MYT1L: variants seen among roughly 807,000 people sequenced by gnomAD.
The protein encoded by MYT1L is myelin transcription factor 1 like.
MYT1L carries 12 observed loss-of-function variants against 126.7 expected under a neutral mutation model. The observed-to-expected ratio is 0.09, with a 90% CI of 0.06 to 0.15. The LOEUF (loss-of-function observed/expected upper bound fraction) is 0.15. Ranked by LOEUF, MYT1L falls within the 10% of genes least tolerant of loss-of-function variation. MYT1L has a pLI of 1.00. For missense variants in MYT1L, 979 were observed against 1,585.2 expected (o/e 0.62, Z 6.49); for synonymous variants, 541 against 604.2 (o/e 0.90, Z 1.53).
intron 1 of MYT1L, among the ~76,000 whole-genome samples, chr2:2,291,657 T>G (rs1198892903): frequency 6.6e-6 from 1 of 152,202 alleles, no homozygotes; most frequent in East Asian, 1.9e-4. Context: ...CCGTGGCCTG[T>G]GTGGAAAGTC....
chr2:2,038,613 A>AT (rs920845273), intron 4 of MYT1L, among the ~76,000 whole-genome samples: 4 of 151,722 alleles, frequency 2.6e-5, no homozygotes, highest in African/African-American at 4.9e-5. Flanking sequence ...CTTCAAATCG[A>AT]TTTTTTATGT....
intron 3 of MYT1L, among the ~76,000 whole-genome samples, chr2:2,115,232 G>A (rs946451996): frequency 1.3e-5 from 2 of 152,144 alleles, no homozygotes; most frequent in Admixed American, 6.5e-5. Flanking sequence ...TGTTCATTTC[G>A]AATGCTATCA....
rs540320062 is a variant in MYT1L at position 2,029,421 on chromosome 2, G to A, written c.-158+24557C>T. The stretch of plus-strand genomic sequence containing the variant: ...ACGTCTTACATGGCGGCAGGCAAGA[G>A]AGCTTGTGCAGGGGAACTCCCATTT... On this transcript the variant is annotated intron_variant, in intron 4 of 24. Coordinates refer to ENST00000647738, the MANE Select transcript of MYT1L (RefSeq NM_001303052.2). Among the ~76,000 whole-genome samples, 135 of 152,224 alleles carry A rather than the reference G, an allele frequency of 8.9e-4. 1 individual carries two copies. The highest frequency in any genetic ancestry group is 1.6e-3 in the Non-Finnish European group (107 of 68,044).
intron 14 of MYT1L, 71 bp downstream of exon 14, chr2:1,903,009 C>G: frequency 7.2e-7 from 1 of 1,393,900 alleles, no homozygotes; most frequent in Non-Finnish European, 1.0e-6. Context: ...ATTTGTAGGA[C>G]ATTGATATAC....
rs183698396 is a variant in MYT1L at position 1,903,405 on chromosome 2, A to G, written c.1818-111T>C. ...ACTTTTTTAAATGTGTTAAACAATCAGAACCTTGCACTAAAACTACAACTT... is the reference window on the plus strand; with the variant it reads ...ACTTTTTTAAATGTGTTAAACAATCGGAACCTTGCACTAAAACTACAACTT... On this transcript the variant is annotated intron_variant, in intron 13 of 24. Transcript: ENST00000647738. 4.0e-4 allele frequency: 341 copies of G among 842,192 alleles called. 2 individuals are homozygous for G. The African/African-American group carries it at 5.5e-3, about 14-fold the overall frequency. The allele number at this position is 842,192 out of a possible 1,614,324, so 52.2% of individuals were successfully genotyped here.
chr2:2,127,652 G>C (rs1389580420), intron 3 of MYT1L, among the ~76,000 whole-genome samples: 1 of 152,104 alleles, frequency 6.6e-6, no homozygotes, highest in African/African-American at 2.4e-5. Flanking sequence ...AATGAACCAC[G>C]CAGCATGTGC....
chr2:1,870,030 C>T (rs182906416), intron 18 of MYT1L, among the ~76,000 whole-genome samples: 3 of 152,134 alleles, frequency 2.0e-5, no homozygotes, highest in African/African-American at 4.8e-5. Flanking sequence ...GGTTGTCAGA[C>T]GATTTTTCAG....
At chr2:2,092,648 T>C (rs957967182) in intron 3 of MYT1L, among the ~76,000 whole-genome samples, 1 of 152,192 alleles carries the variant, frequency 6.6e-6, no homozygotes, top group Non-Finnish European at 1.5e-5. Flanking sequence ...AAATAAGGTA[T>C]GTATGTTTGA....
intron 4 of MYT1L, among the ~76,000 whole-genome samples, chr2:2,051,800 TACACGC>T (rs199657840): frequency 0.017 from 2,546 of 152,296 alleles, 43 homozygotes; most frequent in Non-Finnish European, 0.027. Context: ...AAGGTCATGG[TACACGC>T]TTAAATTGCA....
At chr2:1,792,554 A>G (rs2032332245) in intron 23 of MYT1L, 90 bp from the exon 24 acceptor site, 8 of 1,367,212 alleles carry the variant, frequency 5.9e-6, no homozygotes, top group Non-Finnish European at 7.9e-6. Context: ...CTGGGTGCGA[A>G]GAAGGGGCCT....
chr2:2,297,781 G>T lies in MYT1L; in HGVS notation c.-520-13278C>A, dbSNP rs537039346. Among the ~76,000 whole-genome samples, 8 of 152,152 alleles carry T rather than the reference G, an allele frequency of 5.3e-5. No homozygotes were observed. In the South Asian group the frequency reaches 1.7e-3, roughly 32 times the overall value. On this transcript the variant is annotated intron_variant, in intron 1 of 24. Coordinates refer to ENST00000647738, the MANE Select transcript of MYT1L (RefSeq NM_001303052.2). ...GGGAGGACAGCCAGGAAAATAAAGG[G>T]AATGTCTTTGGGAGCCGTCTGAGGA...
chr2:2,164,550 C>A (rs1295989735), intron 3 of MYT1L, among the ~76,000 whole-genome samples: 1 of 152,172 alleles, frequency 6.6e-6, no homozygotes, highest in Non-Finnish European at 1.5e-5. Context: ...AACACTGGCT[C>A]TCATTTTTTG....
intron 2 of MYT1L, among the ~76,000 whole-genome samples, chr2:2,246,419 A>G (rs1314718888): frequency 6.6e-6 from 1 of 152,150 alleles, no homozygotes; most frequent in Non-Finnish European, 1.5e-5. Flanking sequence ...GGCTGAAATG[A>G]GCTGTGTGTG....
At chr2:1,982,526 G>A (rs1020551550) in intron 5 of MYT1L, among the ~76,000 whole-genome samples, 1 of 152,180 alleles carries the variant, frequency 6.6e-6, no homozygotes, top group African/African-American at 2.4e-5. Flanking sequence ...ATTTCCTGGA[G>A]GAACTCATAT....
At chr2:2,145,388 A>G (rs1388119950) in intron 3 of MYT1L, among the ~76,000 whole-genome samples, 2 of 152,244 alleles carry the variant, frequency 1.3e-5, no homozygotes, top group African/African-American at 2.4e-5. Context: ...TGTCTGAGAC[A>G]GAGACCTAAG....
chr2:2,087,861 C>T (rs1177066673), intron 3 of MYT1L, among the ~76,000 whole-genome samples: 1 of 152,222 alleles, frequency 6.6e-6, no homozygotes, highest in African/African-American at 2.4e-5. Flanking sequence ...CCAGTGACAG[C>T]TTGCTAACAT....
chr2:2,325,895 A>C (rs1006960626), intron 1 of MYT1L: 5 of 152,286 alleles, frequency 3.3e-5, no homozygotes, highest in Non-Finnish European at 7.3e-5. Context: ...ATGCAATCAA[A>C]TGAGAGCTGG....
intron 5 of MYT1L, among the ~76,000 whole-genome samples, chr2:1,992,985 T>C (rs1001137801): frequency 2.0e-5 from 3 of 152,100 alleles, no homozygotes; most frequent in African/African-American, 4.8e-5. Flanking sequence ...ACCCAGGAAC[T>C]GACTGAGCGC....
Position 2,109,943 on chromosome 2 carries a change from G to A in MYT1L, c.-303-55820C>T, listed in dbSNP as rs373457603. 9.4e-3 allele frequency among the ~76,000 whole-genome samples: 1,150 copies of A among 122,064 alleles called. 7 individuals are homozygous for A. Among genetic ancestry groups the A allele is most frequent in the Middle Eastern group, 0.045 (7 of 156 alleles). The allele number at this position is 122,064 out of a possible 152,430, so 80.1% of individuals were successfully genotyped here. A position where few individuals can be genotyped will look rare whatever the true frequency, so the allele number is the denominator to read the frequency against. The stretch of plus-strand genomic sequence containing the variant: ...TATATATCCCTTTCAGAATAAATTC[G>A]GAGCTAAGAGATTCTAAATCAATGC... On this transcript the variant is annotated intron_variant, in intron 3 of 24. Transcript: ENST00000647738.
Sources: allele counts gnomAD v4.1 joint callset (sites outside exome capture counted in the v4.1 genomes callset), GRCh38; gene constraint gnomAD v4.1.1; transcripts MANE v1.5; gene names NCBI Gene and HGNC (gene_info 2026-07-23, HGNC 2026-07-21).